Variants in ANK3 observed in about 807,000 individuals in gnomAD.
The protein encoded by ANK3 is ankyrin 3.
A neutral mutation model predicts 370.9 loss-of-function variants in ANK3; 57 were observed. The observed-to-expected ratio is 0.15, with a 90% CI of 0.12 to 0.19. ANK3 has a LOEUF of 0.19. ANK3 is among the 10% of genes least tolerant of loss of function. The probability of loss-of-function intolerance (pLI) is 1.00; values close to 1 mark genes in which losing one functional copy is unlikely to be tolerated. For missense variants in ANK3, 4,439 were observed against 5,302.1 expected (o/e 0.84, Z 5.06); for synonymous variants, 1,929 against 1,946.3 (o/e 0.99, Z 0.23).
At chr10:60,685,124 T>A in intron 1 of ANK3, 1 of 891,156 alleles carries the variant, frequency 1.1e-6, no homozygotes, top group Non-Finnish European at 1.7e-6. Flanking sequence ...TTCTCTGGTC[T>A]GATTTTGACA....
intron 2 of ANK3, among the ~76,000 whole-genome samples, chr10:60,491,497 C>T (rs1468375372): frequency 1.3e-5 from 2 of 152,176 alleles, no homozygotes; most frequent in African/African-American, 2.4e-5. Context: ...AAATACTTTA[C>T]CAATCATTCT....
At chr10:60,508,786 G>A (rs1344135043) in intron 2 of ANK3, among the ~76,000 whole-genome samples, 1 of 152,082 alleles carries the variant, frequency 6.6e-6, no homozygotes, top group African/African-American at 2.4e-5. Context: ...AAAATAGAAG[G>A]TCCCTTCCCC....
At chr10:60,081,972 T>C in intron 35 of ANK3, 178 bp downstream of exon 35, 1 of 457,294 alleles carries the variant, frequency 2.2e-6, no homozygotes, top group Non-Finnish European at 3.8e-6. Flanking sequence ...TAAGTACTCT[T>C]AAGTACGTGT....
At chr10:60,473,556 A>G (rs1315004809) in intron 2 of ANK3, among the ~76,000 whole-genome samples, 1 of 152,186 alleles carries the variant, frequency 6.6e-6, no homozygotes, top group Non-Finnish European at 1.5e-5. Context: ...TAATAAGAAG[A>G]TGAGTATGAA....
chr10:60,215,727 C>T (rs966232319), intron 8 of ANK3, among the ~76,000 whole-genome samples: 1 of 152,134 alleles, frequency 6.6e-6, no homozygotes, highest in Non-Finnish European at 1.5e-5. Flanking sequence ...GGTACCAGTA[C>T]CAGGCTGTTT....
At chr10:60,696,520 C>T (rs910682803) in intron 1 of ANK3, among the ~76,000 whole-genome samples, 21 of 151,474 alleles carry the variant, frequency 1.4e-4, no homozygotes, top group African/African-American at 4.4e-4. Context: ...ACTGGCAAAC[C>T]GAATCCAGCA....
chr10:60,442,294 C>A (rs1047383152), intron 2 of ANK3, among the ~76,000 whole-genome samples: 1 of 151,884 alleles, frequency 6.6e-6, no homozygotes, highest in Non-Finnish European at 1.5e-5. Context: ...CAGGGTTTCA[C>A]AAAATTGGTC....
At chr10:60,709,456 G>A (rs2133427460) in intron 1 of ANK3, among the ~76,000 whole-genome samples, 1 of 152,128 alleles carries the variant, frequency 6.6e-6, no homozygotes, top group East Asian at 1.9e-4. Flanking sequence ...GACTACTGTT[G>A]ACTGGAAGCC....
At chr10:60,650,649 G>A (rs2078775506) in intron 1 of ANK3, among the ~76,000 whole-genome samples, 1 of 152,174 alleles carries the variant, frequency 6.6e-6, no homozygotes, top group South Asian at 2.1e-4. Context: ...TTAGAGGATG[G>A]AGAGACTGCT....
intron 1 of ANK3, among the ~76,000 whole-genome samples, chr10:60,320,784 T>C (rs1431784491): frequency 1.3e-5 from 2 of 152,082 alleles, no homozygotes; most frequent in East Asian, 1.9e-4. Flanking sequence ...TGCACACCAG[T>C]ATAAAATACC....
At chr10:60,089,586 T>C (rs550000201) in intron 28 of ANK3, among the ~76,000 whole-genome samples, 61 of 152,238 alleles carry the variant, frequency 4.0e-4, no homozygotes, top group African/African-American at 1.4e-3. Context: ...AAAATTTTTA[T>C]GGCATAATAA....
intron 1 of ANK3, among the ~76,000 whole-genome samples, chr10:60,366,913 T>C (rs1415865384): frequency 6.6e-6 from 1 of 152,166 alleles, no homozygotes; most frequent in Non-Finnish European, 1.5e-5. Context: ...ATCCCATCCC[T>C]TTATCCAATG....
chr10:60,166,740 A>T, intron 22 of ANK3, 84 bp downstream of exon 22: 1 of 1,584,416 alleles, frequency 6.3e-7, no homozygotes, highest in Non-Finnish European at 8.7e-7. Flanking sequence ...CCTGATAAAC[A>T]TTTTTGCAAT....
At chr10:60,181,560 A>C (rs1275952176) in intron 17 of ANK3, 133 bp from the exon 18 acceptor site, 5 of 831,200 alleles carry the variant, frequency 6.0e-6, no homozygotes, top group Non-Finnish European at 9.7e-6. Context: ...CTATGGAATA[A>C]ATTTATATGC....
intron 32 of ANK3, among the ~76,000 whole-genome samples, 171 bp from the exon 33 acceptor site, chr10:60,083,788 C>A (rs1222748983): frequency 1.3e-5 from 2 of 152,182 alleles, no homozygotes; most frequent in Admixed American, 1.3e-4. Flanking sequence ...GTGCTTACAA[C>A]TCACCAACTG....
At chr10:60,136,500 G>A (rs74232493) in intron 24 of ANK3, among the ~76,000 whole-genome samples, 2 of 468 alleles carry the variant, frequency 4.3e-3, no homozygotes, top group African/African-American at 8.3e-3. Flanking sequence ...TTAACATTGG[G>A]GTGTATGAAA....
chr10:60,256,938 A>G (rs960870132), intron 7 of ANK3, among the ~76,000 whole-genome samples: 1 of 152,222 alleles, frequency 6.6e-6, no homozygotes, highest in African/African-American at 2.4e-5. Context: ...GAACATGTGA[A>G]CACGTATTTT....
intron 17 of ANK3, among the ~76,000 whole-genome samples, chr10:60,182,470 T>C (rs1274114063): frequency 6.6e-6 from 1 of 152,232 alleles, no homozygotes; most frequent in African/African-American, 2.4e-5. Flanking sequence ...TGTAAAGCAT[T>C]TTTTATAATA....
chr10:60,168,316 G>A (rs1042555496), intron 21 of ANK3, among the ~76,000 whole-genome samples: 3 of 152,150 alleles, frequency 2.0e-5, no homozygotes, highest in African/African-American at 7.2e-5. Flanking sequence ...ATGAGCCACC[G>A]CGCCTGGCCT....
Sources: gnomAD v4.1 joint callset for allele counts (sites outside exome capture counted in the v4.1 genomes callset) on GRCh38, gnomAD v4.1.1 for gene constraint, MANE v1.5 for transcripts, NCBI Gene and HGNC (gene_info 2026-07-23, HGNC 2026-07-21) for gene names.